Variants in MYO9A observed in about 807,000 individuals in gnomAD.
MYO9A encodes myosin IXA.
A neutral mutation model predicts 293.3 loss-of-function variants in MYO9A; 103 were observed. That is an observed-to-expected ratio of 0.35 (90% CI 0.30 to 0.41). MYO9A has a LOEUF of 0.41. Among genes scored for constraint, MYO9A ranks in the 10% least tolerant of loss-of-function variants. The probability of loss-of-function intolerance (pLI) is 1.00; values close to 1 mark genes in which losing one functional copy is unlikely to be tolerated. For synonymous variants in MYO9A, 1,001 were observed against 1,035.7 expected, an observed-to-expected ratio of 0.97 and a Z score of 0.64; for missense variants, 2,685 against 3,033.0, an observed-to-expected ratio of 0.89 and a Z score of 2.69.
At chr15:72,000,539 G>A (rs1308349420) in intron 8 of MYO9A, among the ~76,000 whole-genome samples, 2 of 152,160 alleles carry the variant, frequency 1.3e-5, no homozygotes, top group African/African-American at 4.8e-5. Flanking sequence ...TATTAAATAT[G>A]TTCATAAACA....
At chr15:71,912,794 T>G (rs902982065) in intron 19 of MYO9A, among the ~76,000 whole-genome samples, 2 of 152,192 alleles carry the variant, frequency 1.3e-5, no homozygotes, top group African/African-American at 2.4e-5. Flanking sequence ...AGGGTGACTT[T>G]TTTTCTCTTT....
At chr15:71,870,811 A>T (rs1362691872) in intron 32 of MYO9A, among the ~76,000 whole-genome samples, 1 of 152,210 alleles carries the variant, frequency 6.6e-6, no homozygotes, top group Non-Finnish European at 1.5e-5. Flanking sequence ...AGCAAATTCA[A>T]GTTTGTTTTT....
intron 1 of MYO9A, among the ~76,000 whole-genome samples, chr15:72,100,374 G>C (rs948312243): frequency 2.0e-5 from 3 of 152,138 alleles, no homozygotes; most frequent in African/African-American, 4.8e-5. Context: ...GTCTCGGCTC[G>C]CTACAACCCC....
intron 9 of MYO9A, among the ~76,000 whole-genome samples, chr15:71,998,069 C>A (rs554172192): frequency 6.6e-6 from 1 of 152,132 alleles, no homozygotes; most frequent in African/African-American, 2.4e-5. Context: ...ATGGAATCAA[C>A]CTAAATGCTC....
At chr15:71,828,862 G>GAATCC (rs1463420278) in intron 40 of MYO9A, among the ~76,000 whole-genome samples, 1 of 152,056 alleles carries the variant, frequency 6.6e-6, no homozygotes, top group Admixed American at 6.6e-5. Flanking sequence ...TCATTACTCT[G>GAATCC]AATCCAACAC....
rs1555490831 is a variant in MYO9A, at chr15:71,956,330, A to ATTATATATATAT, written c.2182+3570_2182+3571insATATATATATAA. Among the ~76,000 whole-genome samples the ATTATATATATAT allele has an allele frequency of 6.0e-3, 456 of 75,592 alleles. 18 individuals carry two copies. Among genetic ancestry groups the ATTATATATATAT allele is most frequent in the East Asian group, 0.04 (97 of 2,410 alleles). 49.6% of individuals were successfully genotyped at this position (75,592 alleles called of 152,430 possible). A position where few individuals can be genotyped will look rare whatever the true frequency, so the allele number is the denominator to read the frequency against. On this transcript the variant is annotated intron_variant, in intron 14 of 41. Coordinates refer to ENST00000356056, the MANE Select transcript of MYO9A (RefSeq NM_006901.4). Reference sequence around the variant, plus strand: ...GCTCTTAAAAAAAAAAAAAAAAAAAAATATATATATATATATATATAAAAT... The same window carrying ATTATATATATAT: ...GCTCTTAAAAAAAAAAAAAAAAAAAATTATATATATATATATATATATATATATATATAAAAT...
At chr15:71,916,539 AT>A in intron 18 of MYO9A, 47 bp from the exon 19 acceptor site, 1 of 1,562,076 alleles carries the variant, frequency 6.4e-7, no homozygotes, top group Non-Finnish European at 8.6e-7. Flanking sequence ...TAATCTAACA[AT>A]AAGCCAAAAT....
chr15:72,108,830 T>C (rs1186471786), intron 1 of MYO9A, among the ~76,000 whole-genome samples: 1 of 149,416 alleles, frequency 6.7e-6, no homozygotes, highest in Non-Finnish European at 1.5e-5. Context: ...TGGTGCAATC[T>C]CAGCTCACCA....
At chr15:71,883,160 T>A (rs759959449) in intron 28 of MYO9A, among the ~76,000 whole-genome samples, 2 of 152,128 alleles carry the variant, frequency 1.3e-5, no homozygotes, top group African/African-American at 2.4e-5. Flanking sequence ...GGAATAATAA[T>A]CATACTAACT....
chr15:71,947,138 G>C (rs376099633), intron 15 of MYO9A, among the ~76,000 whole-genome samples: 15 of 151,778 alleles, frequency 9.9e-5, no homozygotes, highest in African/African-American at 3.6e-4. Context: ...ACAAAACAAA[G>C]TAAAATGGTG....
chr15:72,024,555 G>A (rs1240944254), intron 4 of MYO9A, among the ~76,000 whole-genome samples: 2 of 152,180 alleles, frequency 1.3e-5, no homozygotes, highest in African/African-American at 2.4e-5. Context: ...TTACAGGCAG[G>A]AGCCACTGCA....
intron 1 of MYO9A, among the ~76,000 whole-genome samples, chr15:72,087,625 A>G (rs1372017331): frequency 6.6e-6 from 1 of 151,976 alleles, no homozygotes; most frequent in Admixed American, 6.6e-5. Flanking sequence ...TCATCCCAAC[A>G]TCTGTGTCTT....
intron 1 of MYO9A, among the ~76,000 whole-genome samples, chr15:72,057,417 G>T (rs1388530273): frequency 2.0e-5 from 3 of 152,200 alleles, no homozygotes; most frequent in Non-Finnish European, 4.4e-5. Context: ...TGACCAGTAA[G>T]TACTCTGTAC....
intron 1 of MYO9A, among the ~76,000 whole-genome samples, chr15:72,093,654 A>AGGCAAGCG (rs2079987450): frequency 1.9e-4 from 26 of 136,850 alleles, no homozygotes; most frequent in South Asian, 5.5e-4. Context: ...TGGGAGGCTG[A>AGGCAAGCG]GATGGGTGGA....
At chr15:72,092,163 CAT>C (rs2079934755) in intron 1 of MYO9A, among the ~76,000 whole-genome samples, 1 of 152,178 alleles carries the variant, frequency 6.6e-6, no homozygotes, top group Non-Finnish European at 1.5e-5. Flanking sequence ...CTTTGGTTTT[CAT>C]AGTCTCATAA....
At chr15:71,998,159 G>A (rs184265011) in intron 9 of MYO9A, among the ~76,000 whole-genome samples, 72 of 152,280 alleles carry the variant, frequency 4.7e-4, no homozygotes, top group African/African-American at 9.9e-4. Flanking sequence ...AGAAAACCAC[G>A]TCCTTTGCAG....
chr15:72,001,268 A>G (rs902687394), intron 8 of MYO9A, among the ~76,000 whole-genome samples: 1 of 152,176 alleles, frequency 6.6e-6, no homozygotes, highest in Non-Finnish European at 1.5e-5. Context: ...ATATTAGATT[A>G]TAACAGCTGT....
At chr15:71,946,152 T>C (rs1052686742) in intron 15 of MYO9A, among the ~76,000 whole-genome samples, 3 of 152,236 alleles carry the variant, frequency 2.0e-5, no homozygotes, top group Non-Finnish European at 4.4e-5. Flanking sequence ...CAAAGTTATA[T>C]TGGTCTATAG....
chr15:71,988,481 G>T (rs2076459512), intron 11 of MYO9A, among the ~76,000 whole-genome samples: 1 of 152,044 alleles, frequency 6.6e-6, no homozygotes, highest in Non-Finnish European at 1.5e-5. Flanking sequence ...AAAGCTCTAG[G>T]GTAGCATCTA....
Sources: allele counts gnomAD v4.1 joint callset (sites outside exome capture counted in the v4.1 genomes callset), GRCh38; gene constraint gnomAD v4.1.1; transcripts MANE v1.5; gene names NCBI Gene and HGNC (gene_info 2026-07-23, HGNC 2026-07-21).